Variants in ANO10 observed in about 807,000 individuals in gnomAD.
The protein encoded by ANO10 is anoctamin 10.
In ANO10, 77 loss-of-function variants were observed where a neutral mutation model predicts 74.7. The ratio of observed to expected loss-of-function variants is 1.03; its 90% CI spans 0.86 to 1.25. The LOEUF (loss-of-function observed/expected upper bound fraction) is 1.25. Among genes scored for constraint, ANO10 ranks in the 50% most tolerant of loss-of-function variants. ANO10 has a pLI of 0.00. For missense variants in ANO10, 721 were observed against 778.1 expected (o/e 0.93, Z 0.87); for synonymous variants, 279 against 284.9 (o/e 0.98, Z 0.21).
intron 11 of ANO10, among the ~76,000 whole-genome samples, chr3:43,476,724 C>A (rs2076080084): frequency 6.6e-6 from 1 of 152,122 alleles, no homozygotes; most frequent in Non-Finnish European, 1.5e-5. Context: ...CTTTGTGGAA[C>A]TTAGTATGAG....
At chr3:43,518,737 C>G (rs1388646738) in intron 11 of ANO10, among the ~76,000 whole-genome samples, 1 of 152,052 alleles carries the variant, frequency 6.6e-6, no homozygotes, top group African/African-American at 2.4e-5. Context: ...CTGTAGTGCC[C>G]CCAGGCCTAT....
chr3:43,377,307 G>C (rs148001164), intron 12 of ANO10, among the ~76,000 whole-genome samples: 3 of 152,162 alleles, frequency 2.0e-5, no homozygotes, highest in Admixed American at 6.5e-5. Context: ...GGCTTGTCTT[G>C]AACTCCTGGT....
Position 43,432,561 on chromosome 3 carries a change from C to T in ANO10, c.1914+50G>A, listed in dbSNP as rs199888809. 923 of 1,405,288 alleles carry T rather than the reference C, an allele frequency of 6.6e-4. 7 individuals carry two copies. The highest frequency in any genetic ancestry group is 4.9e-3 in the South Asian group (422 of 86,836). The allele number at this position is 1,405,288 out of a possible 1,614,324, so 87.1% of individuals were successfully genotyped here. A position where few individuals can be genotyped will look rare whatever the true frequency, so the allele number is the denominator to read the frequency against. ...AGACTGATTCTTCTGAATTATTTTTCCTGTCATTTGCTAAAGCAATACATA... is the reference window on the plus strand; with the variant it reads ...AGACTGATTCTTCTGAATTATTTTTTCTGTCATTTGCTAAAGCAATACATA... On this transcript the variant is annotated intron_variant, in intron 12 of 12. Coordinates refer to ENST00000292246, the MANE Select transcript of ANO10 (RefSeq NM_018075.5).
intron 2 of ANO10, 53 bp downstream of exon 2, chr3:43,605,661 A>G: frequency 6.3e-7 from 1 of 1,596,280 alleles, no homozygotes; most frequent in Middle Eastern, 1.7e-4. Context: ...TGGGAGGCTG[A>G]GCATACAGTG....
intron 11 of ANO10, among the ~76,000 whole-genome samples, chr3:43,444,902 T>C (rs1398067067): frequency 2.0e-5 from 3 of 152,002 alleles, no homozygotes; most frequent in Admixed American, 6.6e-5. Context: ...GGCGGGCGGA[T>C]CACTAGGTCA....
chr3:43,398,042 C>T (rs2092414264), intron 12 of ANO10, among the ~76,000 whole-genome samples: 1 of 152,076 alleles, frequency 6.6e-6, no homozygotes, highest in Admixed American at 6.5e-5. Flanking sequence ...TATTTAAATC[C>T]AGGTTTTACA....
At chr3:43,383,579 A>G (rs1361790244) in intron 12 of ANO10, among the ~76,000 whole-genome samples, 1 of 152,154 alleles carries the variant, frequency 6.6e-6, no homozygotes, top group African/African-American at 2.4e-5. Flanking sequence ...AATAAAAAAC[A>G]AAAATCCCTG....
At chr3:43,641,100 A>T (rs1416590548) in intron 1 of ANO10, among the ~76,000 whole-genome samples, 1 of 152,242 alleles carries the variant, frequency 6.6e-6, no homozygotes. Context: ...AACTAAGGAT[A>T]ATTATACATA....
intron 12 of ANO10, among the ~76,000 whole-genome samples, chr3:43,417,366 A>G (rs1431288113): frequency 6.6e-6 from 1 of 152,212 alleles, no homozygotes; most frequent in African/African-American, 2.4e-5. Context: ...TGGGGCGACC[A>G]GCCTTCCCCA....
intron 11 of ANO10, among the ~76,000 whole-genome samples, chr3:43,543,482 C>T (rs889390734): frequency 8.5e-5 from 13 of 152,154 alleles, no homozygotes; most frequent in African/African-American, 2.9e-4. Flanking sequence ...CTCTGCCTCC[C>T]GAATTCACGA....
intron 11 of ANO10, among the ~76,000 whole-genome samples, chr3:43,523,758 T>C (rs2078062767): frequency 6.6e-6 from 1 of 152,108 alleles, no homozygotes; most frequent in African/African-American, 2.4e-5. Context: ...ACAATACACA[T>C]GTAGATGTCC....
intron 11 of ANO10, among the ~76,000 whole-genome samples, chr3:43,504,823 G>A (rs1442670673): frequency 6.6e-6 from 1 of 151,994 alleles, no homozygotes; most frequent in African/African-American, 2.4e-5. Context: ...TGTATTTTTA[G>A]TAGAGACAGG....
chr3:43,549,410 G>T (rs956820258), intron 11 of ANO10, among the ~76,000 whole-genome samples: 2 of 152,032 alleles, frequency 1.3e-5, no homozygotes, highest in Admixed American at 6.6e-5. Context: ...TTGGGTGCTG[G>T]GATTACAGAC....
At chr3:43,659,620 C>T (rs1355612743) in intron 1 of ANO10, among the ~76,000 whole-genome samples, 1 of 152,232 alleles carries the variant, frequency 6.6e-6, no homozygotes, top group African/African-American at 2.4e-5. Context: ...GGCCTACTGC[C>T]TCTCTAGATT....
rs567588504 is a variant in ANO10, at chr3:43,662,939, T to C, written c.-12+28578A>G. Among the ~76,000 whole-genome samples, 73 of 152,268 alleles carry C rather than the reference T, an allele frequency of 4.8e-4. 1 individual carries two copies. The highest frequency in any genetic ancestry group is 1.7e-3 in the African/African-American group (70 of 41,542). ...AAAAAAAGTTCAAGACCAGACAGAT[T>C]CACAGCTGAATTCTACCAGAGGTAC... On this transcript the variant is annotated intron_variant, in intron 1 of 3. Coordinates refer to the ANO10 transcript ENST00000413397.
At position 43,489,112 on chromosome 3, in the gene ANO10, T is replaced by C. The variant is rs748679237; in HGVS notation, c.1798-56385A>G. Reference sequence around the variant, plus strand: ...GCATATTCTCACGCATAGGTGGGAATTGAACAATGAGATCACCTGGACACA... The same window carrying C: ...GCATATTCTCACGCATAGGTGGGAACTGAACAATGAGATCACCTGGACACA... On this transcript the variant is annotated intron_variant, in intron 11 of 12. Transcript: ENST00000292246. Among the ~76,000 whole-genome samples, 10 of 143,582 alleles carry C rather than the reference T, an allele frequency of 7.0e-5. 1 individual carries two copies. In the South Asian group the frequency reaches 8.8e-4, roughly 13 times the overall value. The allele number at this position is 143,582 out of a possible 152,430, so 94.2% of individuals were successfully genotyped here.
chr3:43,391,375 C>A (rs954764079), intron 12 of ANO10, among the ~76,000 whole-genome samples: 1 of 152,170 alleles, frequency 6.6e-6, no homozygotes, highest in African/African-American at 2.4e-5. Context: ...TGCATGAATT[C>A]TTTTGTTCAT....
intron 11 of ANO10, among the ~76,000 whole-genome samples, chr3:43,468,258 A>G (rs1341298668): frequency 6.6e-6 from 1 of 152,230 alleles, no homozygotes; most frequent in Admixed American, 6.5e-5. Context: ...TTGGTTTCAT[A>G]ATTTCCACAA....
chr3:43,688,624 T>C (rs1242247082), intron 1 of ANO10, among the ~76,000 whole-genome samples: 1 of 151,916 alleles, frequency 6.6e-6, no homozygotes, highest in Non-Finnish European at 1.5e-5. Flanking sequence ...GGGAGGATCA[T>C]TTGAGGTCAC....
Sources: allele counts gnomAD v4.1 joint callset (sites outside exome capture counted in the v4.1 genomes callset), GRCh38; gene constraint gnomAD v4.1.1; transcripts MANE v1.5; gene names NCBI Gene and HGNC (gene_info 2026-07-23, HGNC 2026-07-21).